Variants in FYN observed in about 807,000 individuals in gnomAD.
FYN encodes the protein tyrosine-protein kinase Fyn.
A neutral mutation model predicts 70.2 loss-of-function variants in FYN; 10 were observed. The ratio of observed to expected loss-of-function variants is 0.14; its 90% confidence interval spans 0.09 to 0.24. The LOEUF is 0.24. Among genes scored for constraint, FYN ranks in the 10% least tolerant of loss-of-function variants. The pLI, the probability that FYN is intolerant of heterozygous loss-of-function variation, is 1.00. For missense variants in FYN, 319 were observed against 673.1 expected, an observed-to-expected ratio of 0.47 and a Z score of 5.82; for synonymous variants, 236 against 248.6, an observed-to-expected ratio of 0.95 and a Z score of 0.48.
At chr6:111,851,892 C>CTT (rs59674985) in intron 1 of FYN, among the ~76,000 whole-genome samples, 1 of 144,782 alleles carries the variant, frequency 6.9e-6, no homozygotes, top group African/African-American at 2.5e-5. Flanking sequence ...CAAATCTTCC[C>CTT]TTTTTTTTTT....
intron 12 of FYN, among the ~76,000 whole-genome samples, chr6:111,686,420 A>G (rs1288051888): frequency 6.6e-6 from 1 of 152,146 alleles, no homozygotes; most frequent in Non-Finnish European, 1.5e-5. Flanking sequence ...TCTGTCGGGC[A>G]AGTCCCCTGG....
intron 3 of FYN, among the ~76,000 whole-genome samples, chr6:111,745,079 C>G (rs2128482109): frequency 6.6e-6 from 1 of 152,274 alleles, no homozygotes; most frequent in Non-Finnish European, 1.5e-5. Context: ...TTGGTGGTCC[C>G]ACAAAGAAGG....
intron 2 of FYN, among the ~76,000 whole-genome samples, chr6:111,795,172 A>C (rs1771764668): frequency 6.7e-6 from 1 of 149,826 alleles, no homozygotes; most frequent in Non-Finnish European, 1.5e-5. Flanking sequence ...CCTAGCACAC[A>C]TCAGAATGTG....
At chr6:111,803,052 C>A (rs1772038612) in intron 2 of FYN, among the ~76,000 whole-genome samples, 2 of 152,172 alleles carry the variant, frequency 1.3e-5, no homozygotes, top group African/African-American at 4.8e-5. Context: ...ACCCACTTTT[C>A]TTTATTAAAA....
At chr6:111,725,452 C>T (rs774672328) in intron 3 of FYN, among the ~76,000 whole-genome samples, 1 of 152,198 alleles carries the variant, frequency 6.6e-6, no homozygotes, top group Non-Finnish European at 1.5e-5. Context: ...GGCAGTGCTG[C>T]CTTCTGGGGA....
Position 111,717,706 on chromosome 6 carries a change from C to T in FYN, c.247+2099G>A, listed in dbSNP as rs532980864. Among the ~76,000 whole-genome samples the T allele has an allele frequency of 4.2e-3, 640 of 152,270 alleles. 1 individual carries two copies. Among genetic ancestry groups the T allele is most frequent in the African/African-American group, 0.015 (611 of 41,548 alleles). ...CTCAAACTCCTGCGCTCAAGTGATC[C>T]ACCCACCTCAGCCTTCCAAAGTGCT... On this transcript the variant is annotated intron_variant, in intron 4 of 13. Transcript: ENST00000354650.
At chr6:111,826,685 T>A (rs1279371976) in intron 2 of FYN, among the ~76,000 whole-genome samples, 2 of 152,224 alleles carry the variant, frequency 1.3e-5, no homozygotes, top group Non-Finnish European at 2.9e-5. Context: ...ATTTTAGTTT[T>A]GCATAGGACA....
intron 3 of FYN, among the ~76,000 whole-genome samples, chr6:111,725,652 A>C (rs1006080850): frequency 3.9e-5 from 6 of 152,230 alleles, no homozygotes; most frequent in Non-Finnish European, 8.8e-5. Context: ...GGGTTCAGCC[A>C]ATGGCCCCAG....
chr6:111,719,040 C>T (rs1800806856), intron 4 of FYN, among the ~76,000 whole-genome samples: 1 of 152,160 alleles, frequency 6.6e-6, no homozygotes, highest in Non-Finnish European at 1.5e-5. Context: ...AAGACATCTG[C>T]TGCCAGATGA....
chr6:111,683,446 A>G (rs1798858275), intron 12 of FYN, among the ~76,000 whole-genome samples: 1 of 152,176 alleles, frequency 6.6e-6, no homozygotes, highest in African/African-American at 2.4e-5. Context: ...CCATAGTCTC[A>G]GAGAATATCC....
chr6:111,797,311 G>A lies in FYN; in HGVS notation c.-81-16676C>T, dbSNP rs149056681. Among the ~76,000 whole-genome samples the A allele has an allele frequency of 1.9e-3, 283 of 152,142 alleles. 1 individual carries two copies. The highest frequency in any genetic ancestry group is 5.2e-3 in the African/African-American group (217 of 41,492). ...GCTGAGTGAAAGGAAAACAGGATAC[G>A]GAATATTAAGATTTTTAATGTATTT... On this transcript the variant is annotated intron_variant, in intron 2 of 13. Coordinates refer to ENST00000354650, the MANE Select transcript of FYN (RefSeq NM_002037.5).
chr6:111,749,876 T>C (rs1802405876), intron 3 of FYN, among the ~76,000 whole-genome samples: 1 of 151,978 alleles, frequency 6.6e-6, no homozygotes, highest in African/African-American at 2.4e-5. Context: ...ATAAATGACC[T>C]ACATGATGGA....
intron 3 of FYN, among the ~76,000 whole-genome samples, chr6:111,724,913 A>G (rs1801126194): frequency 1.3e-5 from 2 of 152,176 alleles, no homozygotes; most frequent in Admixed American, 1.3e-4. Context: ...TAGAAACCAA[A>G]TGCAAGCAAC....
intron 3 of FYN, among the ~76,000 whole-genome samples, chr6:111,742,586 T>C (rs1305430745): frequency 2.6e-5 from 4 of 152,210 alleles, no homozygotes; most frequent in African/African-American, 7.2e-5. Flanking sequence ...GAATTTATCA[T>C]GGATCTCAGC....
chr6:111,806,572 CCTTCT>C (rs1772157538), intron 2 of FYN, among the ~76,000 whole-genome samples: 1 of 152,220 alleles, frequency 6.6e-6, no homozygotes, highest in Admixed American at 6.5e-5. Flanking sequence ...AGTGTACTAT[CCTTCT>C]CAGGCAATTA....
At chr6:111,754,363 T>C (rs1027537315) in intron 3 of FYN, 3 of 152,188 alleles carry the variant, frequency 2.0e-5, no homozygotes, top group Admixed American at 6.5e-5. Flanking sequence ...AAGGAGGTCT[T>C]CGCAAACCTT....
chr6:111,854,194 C>T (rs1457898476), intron 1 of FYN, among the ~76,000 whole-genome samples: 4 of 152,152 alleles, frequency 2.6e-5, no homozygotes, highest in Admixed American at 1.3e-4. Context: ...CCTTGTCTAC[C>T]GGTGTGTGAG....
At chr6:111,842,849 A>C (rs563497040) in intron 2 of FYN, among the ~76,000 whole-genome samples, 1 of 152,324 alleles carries the variant, frequency 6.6e-6, no homozygotes, top group South Asian at 2.1e-4. Flanking sequence ...GACTTATTAA[A>C]ACCAAAGAAA....
chr6:111,675,225 T>A (rs1434014224), intron 12 of FYN, among the ~76,000 whole-genome samples: 1 of 152,202 alleles, frequency 6.6e-6, no homozygotes, highest in African/African-American at 2.4e-5. Context: ...GGATAGTTTT[T>A]TCTTCCATAC....
Sources: gnomAD v4.1 joint callset for allele counts (sites outside exome capture counted in the v4.1 genomes callset) on GRCh38, gnomAD v4.1.1 for gene constraint, MANE v1.5 for transcripts, NCBI Gene and HGNC (gene_info 2026-07-23, HGNC 2026-07-21) for gene names.